Variants in PRKD1 observed in about 807,000 individuals in gnomAD.
PRKD1 encodes the protein protein kinase D1, also known as serine/threonine-protein kinase D1.
In PRKD1, 63 loss-of-function variants were observed where a neutral mutation model predicts 95.9. That is an observed-to-expected ratio of 0.66 (90% CI 0.54 to 0.81). The LOEUF (loss-of-function observed/expected upper bound fraction) is 0.81, where lower values mean the gene tolerates loss of function less well. Ranked by LOEUF, PRKD1 falls within the 30% of genes least tolerant of loss-of-function variation. PRKD1 has a pLI of 0.00. For synonymous variants in PRKD1, 425 were observed against 423.1 expected (o/e 1.00, Z -0.05); for missense variants, 1,048 against 1,165.3 (o/e 0.90, Z 1.47).
chr14:29,660,874 T>C (rs890395714), intron 4 of PRKD1, among the ~76,000 whole-genome samples: 1 of 152,144 alleles, frequency 6.6e-6, no homozygotes, highest in Non-Finnish European at 1.5e-5. Context: ...CACTTAAGAA[T>C]CTGCTGAGTT....
intron 13 of PRKD1, among the ~76,000 whole-genome samples, chr14:29,616,849 T>A (rs1038408736): frequency 6.6e-6 from 1 of 152,196 alleles, no homozygotes; most frequent in Non-Finnish European, 1.5e-5. Context: ...GTTTGTTATA[T>A]AGTTGAATTG....
chr14:29,600,096 C>A (rs913835836), intron 13 of PRKD1, among the ~76,000 whole-genome samples: 12 of 152,150 alleles, frequency 7.9e-5, no homozygotes, highest in African/African-American at 2.9e-4. Flanking sequence ...AATTAGAATA[C>A]CATATTGAGA....
chr14:29,787,996 G>T (rs1315217803), intron 1 of PRKD1, among the ~76,000 whole-genome samples: 6 of 151,938 alleles, frequency 3.9e-5, no homozygotes, highest in Admixed American at 3.9e-4. Context: ...TCTCATTTGT[G>T]TATCTGCAAT....
intron 1 of PRKD1, among the ~76,000 whole-genome samples, chr14:29,789,345 A>G (rs944844383): frequency 2.0e-5 from 3 of 152,106 alleles, no homozygotes; most frequent in Non-Finnish European, 4.4e-5. Flanking sequence ...TGATATCTGC[A>G]TATCTAATGT....
intron 2 of PRKD1, among the ~76,000 whole-genome samples, chr14:29,681,467 C>T (rs1053114574): frequency 6.6e-6 from 1 of 151,882 alleles, no homozygotes; most frequent in Non-Finnish European, 1.5e-5. Context: ...TTATGTGTTT[C>T]CATAACTGAG....
At chr14:29,636,601 T>G (rs1035987238) in intron 6 of PRKD1, 107 bp from the exon 7 acceptor site, 2 of 1,100,388 alleles carry the variant, frequency 1.8e-6, no homozygotes. Flanking sequence ...CCCAAAGAGG[T>G]AGTTCTGTGA....
chr14:29,906,048 G>T (rs1306530443), intron 1 of PRKD1, among the ~76,000 whole-genome samples: 1 of 151,810 alleles, frequency 6.6e-6, no homozygotes, highest in African/African-American at 2.4e-5. Context: ...GGATTGTCAA[G>T]AACTAAAATC....
chr14:29,615,546 C>T (rs1223218912), intron 13 of PRKD1, among the ~76,000 whole-genome samples: 1 of 152,178 alleles, frequency 6.6e-6, no homozygotes, highest in Non-Finnish European at 1.5e-5. Context: ...TGAATCTTCC[C>T]AGGTTTTGCC....
intron 1 of PRKD1, among the ~76,000 whole-genome samples, chr14:29,904,942 C>G (rs1894443789): frequency 6.6e-6 from 1 of 152,128 alleles, no homozygotes; most frequent in Non-Finnish European, 1.5e-5. Flanking sequence ...GCCAATAAAT[C>G]AATAATTTGT....
At chr14:29,664,772 C>A (rs1419308473) in intron 3 of PRKD1, among the ~76,000 whole-genome samples, 1 of 152,188 alleles carries the variant, frequency 6.6e-6, no homozygotes, top group Non-Finnish European at 1.5e-5. Context: ...TGTCCTAGCA[C>A]CTTGAATTGT....
intron 1 of PRKD1, among the ~76,000 whole-genome samples, chr14:29,816,005 G>A (rs779357221): frequency 6.6e-6 from 1 of 152,128 alleles, no homozygotes; most frequent in South Asian, 2.1e-4. Context: ...GGATCACAAA[G>A]TCAGGAGATC....
chr14:29,644,546 C>A (rs1193269895), intron 4 of PRKD1, among the ~76,000 whole-genome samples: 1 of 151,478 alleles, frequency 6.6e-6, no homozygotes, highest in Non-Finnish European at 1.5e-5. Flanking sequence ...AGCAGGGAAT[C>A]TAGGTGTGTG....
intron 1 of PRKD1, among the ~76,000 whole-genome samples, chr14:29,891,859 T>C (rs1337914707): frequency 1.3e-5 from 2 of 152,324 alleles, no homozygotes; most frequent in Non-Finnish European, 2.9e-5. Flanking sequence ...CAAATACATA[T>C]GCATATGAAA....
intron 1 of PRKD1, among the ~76,000 whole-genome samples, chr14:29,826,935 A>T (rs1160740494): frequency 4.3e-5 from 6 of 139,292 alleles, no homozygotes; most frequent in Non-Finnish European, 9.2e-5. Context: ...AGCAACTTGG[A>T]TGGGATTGGA....
intron 1 of PRKD1, among the ~76,000 whole-genome samples, chr14:29,744,454 C>T (rs1887119883): frequency 6.6e-6 from 1 of 152,156 alleles, no homozygotes; most frequent in Non-Finnish European, 1.5e-5. Context: ...AAGCCACAAC[C>T]TCTCCAAAAC....
chr14:29,674,449 G>C (rs758897430), intron 2 of PRKD1, among the ~76,000 whole-genome samples: 42 of 152,158 alleles, frequency 2.8e-4, no homozygotes, highest in Non-Finnish European at 8.8e-5. Context: ...ATCCTGATGT[G>C]ACTGAATGAC....
intron 1 of PRKD1, among the ~76,000 whole-genome samples, chr14:29,793,813 A>G (rs1282566109): frequency 6.6e-6 from 1 of 152,056 alleles, no homozygotes; most frequent in Non-Finnish European, 1.5e-5. Context: ...TTAAACATAT[A>G]CTATTATTTT....
intron 1 of PRKD1, among the ~76,000 whole-genome samples, chr14:29,737,514 C>T (rs1886787939): frequency 6.6e-6 from 1 of 152,078 alleles, no homozygotes; most frequent in Admixed American, 6.5e-5. Context: ...AGAACTCTTC[C>T]TTTCCACAAT....
intron 13 of PRKD1, among the ~76,000 whole-genome samples, chr14:29,611,320 G>A (rs1315578789): frequency 6.6e-6 from 1 of 152,082 alleles, no homozygotes; most frequent in Non-Finnish European, 1.5e-5. Flanking sequence ...TAAAAATAAA[G>A]TCTTTTAAAA....
Sources: gnomAD v4.1 joint callset for allele counts (sites outside exome capture counted in the v4.1 genomes callset) on GRCh38, gnomAD v4.1.1 for gene constraint, MANE v1.5 for transcripts, NCBI Gene and HGNC (gene_info 2026-07-23, HGNC 2026-07-21) for gene names.